CCNY: variants seen among roughly 807,000 people sequenced by gnomAD.
CCNY encodes cyclin Y.
Under a neutral mutation model 42.8 loss-of-function variants are expected in CCNY, and 19 were observed. The observed-to-expected ratio is 0.44, with a 90% CI of 0.31 to 0.65. The LOEUF (loss-of-function observed/expected upper bound fraction) is 0.65. CCNY is among the 30% of genes least tolerant of loss of function. The pLI is 0.07. For synonymous variants in CCNY, 165 were observed against 162.7 expected (o/e 1.01, Z -0.11); for missense variants, 370 against 437.3 (o/e 0.85, Z 1.37).
chr10:35,384,607 G>A (rs116797137), intron 1 of CCNY, among the ~76,000 whole-genome samples: 446 of 152,238 alleles, frequency 2.9e-3, no homozygotes, highest in African/African-American at 0.01. Context: ...CTTGGCTTTC[G>A]AGTGGCCCTG....
chr10:35,462,068 C>T (rs1457632641), intron 1 of CCNY, among the ~76,000 whole-genome samples: 1 of 152,106 alleles, frequency 6.6e-6, no homozygotes, highest in East Asian at 1.9e-4. Context: ...GGAGTTTGAT[C>T]CTAACTCTAG....
rs760674092 is a variant in CCNY, at chr10:35,570,420, C to T, written c.*1250C>T. The stretch of plus-strand genomic sequence containing the variant: ...AGGTTTATGCTTCATTAATTATGAC[C>T]ATACTTTTTCATTTTCTGACGATCC... On this transcript the variant is annotated 3_prime_UTR_variant, in exon 10 of 10. Coordinates refer to ENST00000374704, the MANE Select transcript of CCNY (RefSeq NM_145012.6). The T allele has an allele frequency of 6.6e-6, 1 of 152,268 alleles. No individual in the cohort carries two copies. The highest frequency in any genetic ancestry group is 1.5e-5 in the Non-Finnish European group (1 of 68,036). 9.4% of individuals were successfully genotyped at this position (152,268 alleles called of 1,614,324 possible). A position where few individuals can be genotyped will look rare whatever the true frequency, so the allele number is the denominator to read the frequency against.
intron 1 of CCNY, among the ~76,000 whole-genome samples, chr10:35,437,985 C>T (rs1220030269): frequency 2.0e-5 from 3 of 152,126 alleles, no homozygotes; most frequent in Non-Finnish European, 2.9e-5. Flanking sequence ...CTACTCTGAT[C>T]GCTGGATGCC....
Position 35,550,208 on chromosome 10 carries a change from C to T in CCNY, c.580-2811C>T, listed in dbSNP as rs1170879319. 6.9e-5 allele frequency among the ~76,000 whole-genome samples: 10 copies of T among 144,710 alleles called. 1 individual carries two copies. Among genetic ancestry groups the T allele is most frequent in the South Asian group, 2.3e-4 (1 of 4,382 alleles). The allele number at this position is 144,710 out of a possible 152,430, so 94.9% of individuals were successfully genotyped here. Reference sequence around the variant, plus strand: ...TCATGACACATGACCCTACAGTGCTCGTGACCCTGCACTGCTCATGGCCCA... The same window carrying T: ...TCATGACACATGACCCTACAGTGCTTGTGACCCTGCACTGCTCATGGCCCA... On this transcript the variant is annotated intron_variant, in intron 7 of 9. Transcript: ENST00000374704.
chr10:35,381,286 G>GAC (rs1455815061), intron 1 of CCNY, among the ~76,000 whole-genome samples: 3 of 152,110 alleles, frequency 2.0e-5, no homozygotes, highest in Non-Finnish European at 2.9e-5. Flanking sequence ...TAGGCCGAGC[G>GAC]CCATGGCTCA....
At chr10:35,460,155 TA>T (rs1225119039) in intron 1 of CCNY, among the ~76,000 whole-genome samples, 6 of 152,194 alleles carry the variant, frequency 3.9e-5, no homozygotes, top group African/African-American at 7.2e-5. Flanking sequence ...ATCCCTGACC[TA>T]GTGTCTCCCT....
chr10:35,249,770 C>T (rs370603564), intron 2 of CCNY, among the ~76,000 whole-genome samples: 6 of 152,278 alleles, frequency 3.9e-5, no homozygotes, highest in East Asian at 3.9e-4. Flanking sequence ...TAAAGTGAGA[C>T]GGAGTGCAGT....
intron 1 of CCNY, among the ~76,000 whole-genome samples, chr10:35,395,349 A>G (rs562096617): frequency 6.6e-6 from 1 of 152,338 alleles, no homozygotes; most frequent in Admixed American, 6.5e-5. Context: ...AGATTCCAGT[A>G]TAAAACCAGG....
intron 3 of CCNY, among the ~76,000 whole-genome samples, chr10:35,286,627 A>G (rs1280441953): frequency 1.4e-5 from 2 of 138,998 alleles, no homozygotes; most frequent in African/African-American, 5.4e-5. Context: ...AAGTGCTGGG[A>G]TTACAGGCGT....
chr10:35,369,100 A>G (rs1836873602), intron 1 of CCNY, among the ~76,000 whole-genome samples: 2 of 152,230 alleles, frequency 1.3e-5, no homozygotes, highest in Admixed American at 6.5e-5. Flanking sequence ...CCAGGGCCAA[A>G]CATTCAAAAA....
At chr10:35,505,428 G>T (rs1435528683) in intron 3 of CCNY, among the ~76,000 whole-genome samples, 3 of 151,904 alleles carry the variant, frequency 2.0e-5, no homozygotes, top group African/African-American at 7.3e-5. Context: ...CAAAGCATTT[G>T]TCTCAACACT....
chr10:35,337,268 C>T (rs1564372755), intron 1 of CCNY, 61 bp downstream of exon 1: 2 of 1,388,688 alleles, frequency 1.4e-6, no homozygotes, highest in East Asian at 6.0e-5. Flanking sequence ...CAGCCAACGT[C>T]GGGGCGGCCC....
upstream of CCNY, chr10:35,336,456 G>GGGGCGGGGGCTGCGGCGA (rs1836028448): frequency 6.6e-6 from 1 of 151,722 alleles, no homozygotes; most frequent in South Asian, 2.1e-4. Flanking sequence ...GTGACGGGGC[G>GGGGCGGGGGCTGCGGCGA]GGGCGGGGGC....
At chr10:35,496,417 G>A (rs1840004458) in intron 2 of CCNY, among the ~76,000 whole-genome samples, 2 of 152,314 alleles carry the variant, frequency 1.3e-5, no homozygotes, top group Non-Finnish European at 2.9e-5. Flanking sequence ...GCCTGCTTGG[G>A]CTCTTCCCTA....
intron 3 of CCNY, among the ~76,000 whole-genome samples, chr10:35,268,469 G>GTA (rs1478714390): frequency 6.6e-6 from 1 of 152,160 alleles, no homozygotes; most frequent in Non-Finnish European, 1.5e-5. Context: ...TGAGCACAGT[G>GTA]TATACCACAG....
intron 1 of CCNY, among the ~76,000 whole-genome samples, chr10:35,419,109 G>A (rs1838097130): frequency 6.6e-6 from 1 of 152,100 alleles, no homozygotes; most frequent in African/African-American, 2.4e-5. Context: ...CACCGCACCC[G>A]GGTGGGATAT....
chr10:35,394,482 C>G (rs978538873), intron 1 of CCNY, among the ~76,000 whole-genome samples: 2 of 152,158 alleles, frequency 1.3e-5, no homozygotes, highest in African/African-American at 4.8e-5. Flanking sequence ...GTTTAAAAGA[C>G]TCATGATGGG....
intron 1 of CCNY, among the ~76,000 whole-genome samples, chr10:35,414,594 C>T (rs959400935): frequency 4.6e-5 from 7 of 152,180 alleles, no homozygotes; most frequent in Non-Finnish European, 1.0e-4. Context: ...AGCATGAATA[C>T]CAGGAGGCGG....
Position 35,551,518 on chromosome 10 carries a change from CTGTT to C in CCNY, c.580-1499_580-1496del, listed in dbSNP as rs934513307. Among the ~76,000 whole-genome samples the C allele has an allele frequency of 1.7e-4, 26 of 152,050 alleles. No individual in the cohort carries two copies. In the East Asian group the frequency reaches 3.7e-3, roughly 21 times the overall value. ...TTCTTAAAAATAGCATGGATGGTGT[CTGTT>C]TAATTTTGTTTTTTTTTCTGTTACA... On this transcript the variant is annotated intron_variant, in intron 7 of 9. Transcript: ENST00000374704.
Sources: allele counts gnomAD v4.1 joint callset (sites outside exome capture counted in the v4.1 genomes callset), GRCh38; gene constraint gnomAD v4.1.1; transcripts MANE v1.5; gene names NCBI Gene and HGNC (gene_info 2026-07-23, HGNC 2026-07-21).